Variants in REC114 observed in about 807,000 individuals in gnomAD.
The protein encoded by REC114 is REC114 meiotic recombination protein.
Under a neutral mutation model 31.3 loss-of-function variants are expected in REC114, and 27 were observed. That is an observed-to-expected ratio of 0.86 (90% CI 0.64 to 1.19). The LOEUF is 1.19. REC114 is among the 50% of genes most tolerant of loss of function. REC114 has a pLI of 0.00. For missense variants in REC114, 344 were observed against 326.9 expected, an observed-to-expected ratio of 1.05 and a Z score of -0.40; for synonymous variants, 134 against 127.7, an observed-to-expected ratio of 1.05 and a Z score of -0.33.
At chr15:73,457,308 G>A (rs1388022990) in intron 1 of REC114, among the ~76,000 whole-genome samples, 1 of 152,028 alleles carries the variant, frequency 6.6e-6, no homozygotes, top group Non-Finnish European at 1.5e-5. Context: ...CTTTCAGGTG[G>A]TCCTTTCCCC....
intron 1 of REC114, among the ~76,000 whole-genome samples, chr15:73,468,016 T>G (rs1445559894): frequency 6.6e-6 from 1 of 152,148 alleles, no homozygotes; most frequent in Non-Finnish European, 1.5e-5. Flanking sequence ...CCTCCCTCTT[T>G]CTCTTGTAAG....
chr15:73,469,680 C>CT (rs767748185), intron 1 of REC114, among the ~76,000 whole-genome samples: 9,649 of 118,868 alleles, frequency 0.081, 493 homozygotes, highest in East Asian at 0.23. Context: ...GCCTTAGACT[C>CT]TTTTTTTTTT....
At chr15:73,473,798 T>G in intron 1 of REC114, 34 bp from the exon 2 acceptor site, 1 of 1,213,440 alleles carries the variant, frequency 8.2e-7, no homozygotes, top group South Asian at 1.3e-5. Context: ...AAATGTATTA[T>G]CTTTTACATA....
intron 1 of REC114, among the ~76,000 whole-genome samples, chr15:73,462,629 T>C (rs1172299500): frequency 6.6e-6 from 1 of 152,184 alleles, no homozygotes. Context: ...CTCACGCCTG[T>C]AATCCCAGCA....
chr15:73,467,366 C>CA (rs1893076746), intron 1 of REC114, among the ~76,000 whole-genome samples: 1 of 152,176 alleles, frequency 6.6e-6, no homozygotes, highest in African/African-American at 2.4e-5. Flanking sequence ...CCAGCACCTG[C>CA]AGTGTACTGC....
chr15:73,537,396 A>G lies in REC114; in HGVS notation c.250-3089A>G, dbSNP rs151139878. 5.3e-3 allele frequency among the ~76,000 whole-genome samples: 806 copies of G among 152,328 alleles called. 9 individuals are homozygous for G. Among genetic ancestry groups the G allele is most frequent in the Non-Finnish European group, 5.6e-3 (383 of 68,022 alleles). ...CGATGAAGAGCCATAAAGCAGCTCA[A>G]CTAAGAGTTGCTGTTGAGGAGGAAG... is the stretch of plus-strand genomic sequence containing the variant. On this transcript the variant is annotated intron_variant, in intron 2 of 5. Coordinates refer to ENST00000331090, the MANE Select transcript of REC114 (RefSeq NM_001042367.2).
chr15:73,547,111 AC>A (rs1894320134), intron 3 of REC114, among the ~76,000 whole-genome samples: 1 of 152,146 alleles, frequency 6.6e-6, no homozygotes. Context: ...TGAAGAGACA[AC>A]CCACAGAAGG....
At position 73,469,153 on chromosome 15, in the gene REC114, T is replaced by G. The variant is rs533365285; in HGVS notation, c.160-4679T>G. 3.9e-5 allele frequency among the ~76,000 whole-genome samples: 6 copies of G among 152,294 alleles called. No homozygotes were observed. The South Asian group carries it at 1.0e-3, about 26-fold the overall frequency. On this transcript the variant is annotated intron_variant, in intron 1 of 5. Transcript: ENST00000331090. ...ACAGTTGCTCAAGTCTGCTATATAC[T>G]TGGTGATTTGCTATGTGCTTTTTCT...
At chr15:73,518,153 T>C (rs2141318639) in intron 2 of REC114, among the ~76,000 whole-genome samples, 1 of 152,354 alleles carries the variant, frequency 6.6e-6, no homozygotes, top group African/African-American at 2.4e-5. Context: ...GTTAAAGAAA[T>C]GAATTACGTT....
At chr15:73,473,952 A>G (rs779731667) in intron 2 of REC114, 31 bp downstream of exon 2, 1 of 1,331,924 alleles carries the variant, frequency 7.5e-7, no homozygotes, top group Non-Finnish European at 1.1e-6. Context: ...TTTAATATGG[A>G]AATACATCTT....
At chr15:73,466,671 CACTT>C (rs1893065336) in intron 1 of REC114, among the ~76,000 whole-genome samples, 2 of 152,182 alleles carry the variant, frequency 1.3e-5, no homozygotes, top group African/African-American at 2.4e-5. Flanking sequence ...AGTTTCAAAA[CACTT>C]AATTTGAAGA....
At chr15:73,528,540 C>T (rs1442833504) in intron 2 of REC114, among the ~76,000 whole-genome samples, 12 of 152,154 alleles carry the variant, frequency 7.9e-5, no homozygotes. Context: ...GACTTTAGGG[C>T]AGGGGTTAGC....
intron 1 of REC114, among the ~76,000 whole-genome samples, chr15:73,461,593 A>G (rs1312034463): frequency 6.6e-6 from 1 of 152,138 alleles, no homozygotes; most frequent in Non-Finnish European, 1.5e-5. Flanking sequence ...GATTTTTCTT[A>G]TAGTACTGAC....
At chr15:73,470,812 G>A (rs1209821456) in intron 1 of REC114, among the ~76,000 whole-genome samples, 2 of 152,148 alleles carry the variant, frequency 1.3e-5, no homozygotes, top group Non-Finnish European at 2.9e-5. Flanking sequence ...TGATATTTAA[G>A]CTAAGGTTTG....
chr15:73,526,190 C>G (rs1894004502), intron 2 of REC114, among the ~76,000 whole-genome samples: 1 of 152,138 alleles, frequency 6.6e-6, no homozygotes, highest in Non-Finnish European at 1.5e-5. Context: ...ATCTTTTTAT[C>G]TCTTTTTATC....
intron 2 of REC114, among the ~76,000 whole-genome samples, chr15:73,503,615 A>G (rs1342815588): frequency 6.6e-6 from 1 of 152,190 alleles, no homozygotes; most frequent in Non-Finnish European, 1.5e-5. Context: ...GAAATAAGCA[A>G]CATTAAAACA....
rs368274140 is a variant in REC114, at chr15:73,556,305, C to T, written c.550C>T (p.His184Tyr). Residue 184 changes from histidine to tyrosine, a missense_variant, in exon 5 of 6, where the codon CAC becomes TAC. Physicochemically the swap from His to Tyr is moderately conservative, Grantham distance 83. Transcript: ENST00000331090. ...AKSVPRQPGS[H>Y]QHSEQQQVCV... is the part of the protein sequence containing the mutation. ...ATTGCATGTTGTTTTATTCCAGTCC[C>T]ACCAGCACTCAGAACAACAGCAAGT... 1.2e-4 allele frequency: 201 copies of T among 1,613,190 alleles called. No individual in the cohort carries two copies. Among genetic ancestry groups the T allele is most frequent in the Non-Finnish European group, 1.6e-4 (189 of 1,179,586 alleles).
intron 2 of REC114, among the ~76,000 whole-genome samples, chr15:73,522,222 T>C (rs919715849): frequency 6.6e-6 from 1 of 152,208 alleles, no homozygotes; most frequent in African/African-American, 2.4e-5. Flanking sequence ...ATGTTATTTC[T>C]TGCCTCTCTG....
At chr15:73,495,277 AT>A (rs1487052555) in intron 2 of REC114, among the ~76,000 whole-genome samples, 1 of 151,928 alleles carries the variant, frequency 6.6e-6, no homozygotes, top group Non-Finnish European at 1.5e-5. Flanking sequence ...CATTTGCCAG[AT>A]TGTGTAGACT....
Sources: gnomAD v4.1 joint callset for allele counts (sites outside exome capture counted in the v4.1 genomes callset) on GRCh38, gnomAD v4.1.1 for gene constraint, MANE v1.5 for transcripts, NCBI Gene and HGNC (gene_info 2026-07-23, HGNC 2026-07-21) for gene names.